The following VPS8 variants were observed in gnomAD, a reference collection of about 807,000 sequenced individuals.
The protein encoded by VPS8 is VPS8 subunit of CORVET complex.
Under a neutral mutation model 216.4 loss-of-function variants are expected in VPS8, and 129 were observed. The ratio of observed to expected loss-of-function variants is 0.60; its 90% CI spans 0.52 to 0.69. The LOEUF (loss-of-function observed/expected upper bound fraction) is 0.69. Ranked by LOEUF, VPS8 falls within the 30% of genes least tolerant of loss-of-function variation. The pLI is 0.00. For synonymous variants in VPS8, 571 were observed against 565.4 expected (o/e 1.01, Z -0.14); for missense variants, 1,531 against 1,683.5 (o/e 0.91, Z 1.59).
intron 14 of VPS8, among the ~76,000 whole-genome samples, chr3:184,856,604 A>T (rs1765591274): frequency 6.6e-6 from 1 of 152,190 alleles, no homozygotes; most frequent in African/African-American, 2.4e-5. Flanking sequence ...CTCTATCACC[A>T]AGTCCTATTG....
intron 42 of VPS8, among the ~76,000 whole-genome samples, chr3:184,986,745 C>G (rs190406271): frequency 6.6e-6 from 1 of 152,320 alleles, no homozygotes; most frequent in Non-Finnish European, 1.5e-5. Flanking sequence ...CCAGGCCTTT[C>G]ATTGAGGTTT....
intron 46 of VPS8, 37 bp downstream of exon 46, chr3:185,024,426 T>C: frequency 6.5e-7 from 1 of 1,548,998 alleles, no homozygotes. Flanking sequence ...CAGTTCTTCC[T>C]TCTGTATGTT....
At chr3:184,950,216 C>CTTTTTTTTTTT (rs10700220) in intron 36 of VPS8, among the ~76,000 whole-genome samples, 861 of 39,902 alleles carry the variant, frequency 0.022, 299 homozygotes, top group East Asian at 0.11. Flanking sequence ...CAGTTTTCTG[C>CTTTTTTTTTTT]TTTTTTTTTT....
chr3:184,931,295 A>T (rs1479286386), intron 34 of VPS8, among the ~76,000 whole-genome samples: 1 of 151,896 alleles, frequency 6.6e-6, no homozygotes, highest in Admixed American at 6.6e-5. Context: ...TTTATTTCTG[A>T]TGATTGAAAA....
At position 184,894,918 on chromosome 3, in the gene VPS8, T is replaced by C. The variant is rs534165708; in HGVS notation, c.1997T>C (p.Ile666Thr). ...IVHMDITSLD[I>T]QQVVLMCWEN... ...CATATGGATATCACCAGCCTAGATA[T>C]TCAGCAGGTGAGTTTATAGACAGTC... The change falls in exon 23 of 48, where the codon ATT becomes ACT. Residue 666 changes from isoleucine (I) to threonine (T), a missense_variant. Physicochemically the swap from Ile to Thr is moderately conservative, Grantham distance 89 (BLOSUM62 -1). This residue lies in a region of VPS8 where 1,318 missense variants were observed against 1,468.4 expected (regional missense o/e 0.90). Coordinates refer to ENST00000625842, the MANE Select transcript of VPS8 (RefSeq NM_001009921.3). 1 of 1,602,240 alleles carries C rather than the reference T, an allele frequency of 6.2e-7. No homozygotes were observed. The highest frequency in any genetic ancestry group is 2.2e-5 in the East Asian group (1 of 44,672).
intron 21 of VPS8, among the ~76,000 whole-genome samples, chr3:184,872,467 T>G (rs1728515772): frequency 6.6e-6 from 1 of 152,078 alleles, no homozygotes; most frequent in Non-Finnish European, 1.5e-5. Context: ...TGATGCTGAC[T>G]GCAGAACGTA....
intron 25 of VPS8, among the ~76,000 whole-genome samples, chr3:184,907,019 G>A (rs1735625181): frequency 6.6e-6 from 1 of 152,144 alleles, no homozygotes; most frequent in South Asian, 2.1e-4. Context: ...TCTTGCCAAG[G>A]TTAAGGATGC....
rs1379046319 is a variant in VPS8 at position 184,933,417 on chromosome 3, T to TA, written c.2899-2828dup. Among the ~76,000 whole-genome samples, 17 of 152,304 alleles carry TA rather than the reference T, an allele frequency of 1.1e-4. No homozygotes were observed. In the East Asian group the frequency reaches 3.3e-3, roughly 29 times the overall value. The stretch of plus-strand genomic sequence containing the variant: ...TTTTCTGTTTGAAATGTCTCATACT[T>TA]ACTGTTTTGGAAGATTTCTTTATGT... On this transcript the variant is annotated intron_variant, in intron 34 of 47. Coordinates refer to ENST00000625842, the MANE Select transcript of VPS8 (RefSeq NM_001009921.3).
chr3:184,908,036 T>A (rs150788562), intron 25 of VPS8, among the ~76,000 whole-genome samples: 1 of 152,198 alleles, frequency 6.6e-6, no homozygotes, highest in Non-Finnish European at 1.5e-5. Flanking sequence ...GTTTTTCCTT[T>A]TAAGGTTTTT....
At chr3:184,854,210 G>C (rs1217802492) in intron 13 of VPS8, 37 bp downstream of exon 13, 1 of 1,609,118 alleles carries the variant, frequency 6.2e-7, no homozygotes, top group African/African-American at 1.3e-5. Flanking sequence ...CCAAAGGAAG[G>C]ACCATGTCAG....
intron 20 of VPS8, among the ~76,000 whole-genome samples, chr3:184,870,301 T>G (rs1242360534): frequency 1.3e-5 from 2 of 152,136 alleles, no homozygotes; most frequent in Non-Finnish European, 1.5e-5. Context: ...CCTTTTGTTG[T>G]GTAAATGCAT....
At chr3:184,814,076 G>T (rs539456916) in intron 1 of VPS8, among the ~76,000 whole-genome samples, 1 of 152,172 alleles carries the variant, frequency 6.6e-6, no homozygotes, top group East Asian at 1.9e-4. Context: ...ATAGCTTTGC[G>T]TTGGATTTTT....
intron 45 of VPS8, among the ~76,000 whole-genome samples, chr3:185,000,612 CTTT>C (rs11425416): frequency 1.4e-5 from 2 of 141,048 alleles, no homozygotes; most frequent in South Asian, 2.2e-4. Context: ...CTTTTCGTTT[CTTT>C]TTTTTTTTTT....
chr3:185,046,664 T>C (rs561391052), intron 46 of VPS8, among the ~76,000 whole-genome samples: 2 of 152,308 alleles, frequency 1.3e-5, no homozygotes, highest in Admixed American at 6.5e-5. Context: ...CTGCCATTGA[T>C]TGAACATCAA....
chr3:184,984,716 A>T (rs376732732), intron 42 of VPS8, among the ~76,000 whole-genome samples: 2 of 152,364 alleles, frequency 1.3e-5, no homozygotes, highest in East Asian at 3.9e-4. Context: ...GTTTCTAATC[A>T]TGTATAAAGT....
intron 45 of VPS8, among the ~76,000 whole-genome samples, chr3:185,002,964 A>G (rs376274920): frequency 1.2e-4 from 19 of 152,240 alleles, no homozygotes; most frequent in African/African-American, 4.6e-4. Flanking sequence ...GGTAGATACC[A>G]AGTAATGGAA....
At chr3:184,900,154 T>G (rs1734218624) in intron 24 of VPS8, among the ~76,000 whole-genome samples, 1 of 152,264 alleles carries the variant, frequency 6.6e-6, no homozygotes, top group African/African-American at 2.4e-5. Context: ...GAGGAAAAAC[T>G]TTTTCTTTAC....
At chr3:184,950,382 C>T (rs974255857) in intron 36 of VPS8, among the ~76,000 whole-genome samples, 9 of 151,506 alleles carry the variant, frequency 5.9e-5, no homozygotes, top group Admixed American at 3.9e-4. Context: ...TAGGCTAAGC[C>T]GAAGTGGACC....
intron 45 of VPS8, among the ~76,000 whole-genome samples, chr3:185,010,396 T>A (rs1561102899): frequency 6.6e-6 from 1 of 151,810 alleles, no homozygotes; most frequent in Non-Finnish European, 1.5e-5. Context: ...GCCATGATAA[T>A]GAGGAAAAGA....
Sources: allele counts gnomAD v4.1 joint callset (sites outside exome capture counted in the v4.1 genomes callset), GRCh38; gene constraint gnomAD v4.1.1; regional missense constraint gnomAD v4.1.1; transcripts MANE v1.5; gene names NCBI Gene and HGNC (gene_info 2026-07-23, HGNC 2026-07-21).